The following PANK2 variants were observed in gnomAD, a reference collection of about 807,000 sequenced individuals.
PANK2 encodes pantothenate kinase 2, mitochondrial.
In PANK2, 36 loss-of-function variants were observed where a neutral mutation model predicts 43.1. The ratio of observed to expected loss-of-function variants is 0.84; its 90% CI spans 0.64 to 1.10. The LOEUF is 1.10. Among genes scored for constraint, PANK2 ranks in the 50% least tolerant of loss-of-function variants. The probability of loss-of-function intolerance (pLI) is 0.00; values close to 1 mark genes in which losing one functional copy is unlikely to be tolerated. For synonymous variants in PANK2, 281 were observed against 238.2 expected (o/e 1.18, Z -1.66); for missense variants, 576 against 593.3 (o/e 0.97, Z 0.30).
At chr20:3,918,929 G>A (rs150691713) in intron 6 of PANK2, 133 bp downstream of exon 6, 26 of 1,444,922 alleles carry the variant, frequency 1.8e-5, no homozygotes, top group South Asian at 6.9e-5. Flanking sequence ...TTTTTGAGAC[G>A]GAGTCTCGCT....
chr20:3,889,794 TC>T, intron 1 of PANK2, 66 bp downstream of exon 1: 2 of 1,526,376 alleles, frequency 1.3e-6, no homozygotes, highest in Non-Finnish European at 1.8e-6. Flanking sequence ...CCTGTCCCCT[TC>T]CGGCCCCGCC....
intron 1 of PANK2, among the ~76,000 whole-genome samples, chr20:3,904,860 T>C (rs533304591): frequency 2.8e-4 from 42 of 152,218 alleles, no homozygotes; most frequent in Non-Finnish European, 4.6e-4. Context: ...TTCTAGTTTG[T>C]AAAAGTGATA....
chr20:3,892,600 C>A (rs559773523), intron 1 of PANK2, among the ~76,000 whole-genome samples: 18 of 138,282 alleles, frequency 1.3e-4, no homozygotes, highest in Non-Finnish European at 2.1e-4. Context: ...TGCTTGAACC[C>A]GGGAGGCAGA....
rs909825831 is a variant in PANK2 at position 3,912,309 on chromosome 20, C to T, written c.906-149C>T. 70 of 840,808 alleles carry T rather than the reference C, an allele frequency of 8.3e-5. No individual in the cohort carries two copies. In the African/African-American group the frequency reaches 1.1e-3, roughly 13 times the overall value. The allele number at this position is 840,808 out of a possible 1,614,324, so 52.1% of individuals were successfully genotyped here. A position where few individuals can be genotyped will look rare whatever the true frequency, so the allele number is the denominator to read the frequency against. ...GTACCTTAAAGGTGTATATCAGGCA[C>T]CTTATCTTTTCACAGACTTGTTTCC... On this transcript the variant is annotated intron_variant, in intron 3 of 6. Coordinates refer to ENST00000610179, the MANE Select transcript of PANK2 (RefSeq NM_001386393.1).
chr20:3,904,363 T>C (rs1256661281), intron 1 of PANK2, among the ~76,000 whole-genome samples: 1 of 152,018 alleles, frequency 6.6e-6, no homozygotes, highest in Non-Finnish European at 1.5e-5. Context: ...GGAGGATTGC[T>C]GGAGGCCAGG....
Position 3,889,410 on chromosome 20 carries a change from GA to G in PANK2, c.-20del. On this transcript the variant is annotated 5_prime_UTR_variant, in exon 1 of 7. Transcript: ENST00000610179. ...CTGCTCTGGCTGGACTGCCGCGGAG[GA>G]GGCGAGAAGGAATCCGACGCTGGGG... 2 of 1,571,490 alleles carry G rather than the reference GA, an allele frequency of 1.3e-6. No homozygotes were observed. Among genetic ancestry groups the G allele is most frequent in the Non-Finnish European group, 1.7e-6 (2 of 1,161,734 alleles).
chr20:3,889,068 C>A (rs752427887), upstream of PANK2: 1 of 1,499,204 alleles, frequency 6.7e-7, no homozygotes, highest in Admixed American at 2.0e-5. Context: ...GGGGCAGAGG[C>A]ATGCACAAGT....
In PANK2 at chr20:3,889,616, G is replaced by A; in HGVS notation, c.186G>A (p.Val62=). 15 of 1,539,572 alleles carry A rather than the reference G, an allele frequency of 9.7e-6. No homozygotes were observed. Among genetic ancestry groups the A allele is most frequent in the Non-Finnish European group, 1.2e-5 (14 of 1,151,998 alleles). ...GGCGCCGGGCGAGCAGCGCGTCGGT[G>A]CCCGCGGTCGGGGCCTCGGCTGAGG... The change falls in exon 1 of 7, where the codon GTG becomes GTA. Residue 62 remains valine, a synonymous_variant. Transcript: ENST00000610179.
intron 5 of PANK2, among the ~76,000 whole-genome samples, chr20:3,918,127 G>T (rs1175101955): frequency 6.6e-6 from 1 of 152,200 alleles, no homozygotes; most frequent in African/African-American, 2.4e-5. Flanking sequence ...TCGTCATGAT[G>T]CTTTGCACAA....
chr20:3,901,555 T>A, intron 1 of PANK2: 1 of 949,546 alleles, frequency 1.1e-6, no homozygotes, highest in Non-Finnish European at 1.3e-6. Flanking sequence ...AAGACAGAAC[T>A]GCTGCTTGCT....
rs11441747 is a variant in PANK2, at chr20:3,910,295, G to GT, written c.652-270dup. Among the ~76,000 whole-genome samples, 53,017 of 143,726 alleles carry GT rather than the reference G, an allele frequency of 0.37. 10,004 individuals are homozygous for GT. Among genetic ancestry groups the GT allele is most frequent in the South Asian group, 0.46 (2,078 of 4,554 alleles). The allele number at this position is 143,726 out of a possible 152,430, so 94.3% of individuals were successfully genotyped here. On this transcript the variant is annotated intron_variant, in intron 2 of 6. Coordinates refer to ENST00000610179, the MANE Select transcript of PANK2 (RefSeq NM_001386393.1). ...TGTTTGAAGGTTGATAAATGCTGTG[G>GT]TTTTTTTTTTTTGTTTTTTTTGTTT...
At position 3,912,486 on chromosome 20, in the gene PANK2, T is replaced by A. The variant is rs756091406; in HGVS notation, c.934T>A (p.Cys312Ser). The stretch of plus-strand genomic sequence containing the variant: ...TGGAGGAGGAACTTTTTTTGGTCTC[T>A]GCTGTCTTCTTACTGGCTGTACCAC... The change falls in exon 4 of 7, where the codon TGC (cysteine) becomes AGC (serine). Residue 312 changes from cysteine to serine, a missense_variant. Around this residue, in one of 2 missense-constraint regions of PANK2, gnomAD observed 544 missense variants for 528.9 expected, o/e 1.03. Coordinates refer to ENST00000610179, the MANE Select transcript of PANK2 (RefSeq NM_001386393.1). 8.1e-6 allele frequency: 13 copies of A among 1,614,096 alleles called. No individual in the cohort carries two copies. Among genetic ancestry groups the A allele is most frequent in the Non-Finnish European group, 1.1e-5 (13 of 1,180,050 alleles).
chr20:3,889,157 C>T (rs1258943762), upstream of PANK2: 2 of 1,594,880 alleles, frequency 1.3e-6, no homozygotes, highest in African/African-American at 1.3e-5. Flanking sequence ...CGCCATCACT[C>T]TCTTCTGGGC....
rs773924328 is a variant in PANK2 at position 3,889,725 on chromosome 20, C to T, written c.295C>T (p.Pro99Ser). 5.0e-6 allele frequency: 8 copies of T among 1,595,520 alleles called. No individual in the cohort carries two copies. Among genetic ancestry groups the T allele is most frequent in the African/African-American group, 4.0e-5 (3 of 74,952 alleles). The change falls in exon 1 of 7, where the codon CCG (proline) becomes TCG (serine). Residue 99 changes from proline (P) to serine (S), a missense_variant. Physicochemically the swap from Pro to Ser is moderately conservative, Grantham distance 74. Around this residue, in one of 2 missense-constraint regions of PANK2, gnomAD observed 544 missense variants for 528.9 expected, o/e 1.03. Coordinates refer to ENST00000610179, the MANE Select transcript of PANK2 (RefSeq NM_001386393.1). ...CGTCGAAAGCCTGAGGAAAAAGCGG[C>T]CGCGTAAGTGTTCCGTGGGGCGCCC...
Position 3,928,592 on chromosome 20 carries a change from C to T in PANK2, c.*5298C>T, listed in dbSNP as rs1216071708. The stretch of plus-strand genomic sequence containing the variant: ...CTAACACGGTGAAACTCCGTCTGTA[C>T]TAAAAATACAAAAAATTAGCCGAGC... On this transcript the variant is annotated 3_prime_UTR_variant, in exon 7 of 7. Transcript: ENST00000610179. The T allele has an allele frequency of 6.6e-6, 1 of 151,592 alleles. No homozygotes were observed. The highest frequency in any genetic ancestry group is 2.4e-5 in the African/African-American group (1 of 41,322). 9.4% of individuals were successfully genotyped at this position (151,592 alleles called of 1,614,324 possible). A position where few individuals can be genotyped will look rare whatever the true frequency, so the allele number is the denominator to read the frequency against.
intron 1 of PANK2, among the ~76,000 whole-genome samples, chr20:3,896,125 G>A (rs1272680666): frequency 6.6e-6 from 1 of 151,118 alleles, no homozygotes; most frequent in African/African-American, 2.4e-5. Context: ...GCAGTGGTGC[G>A]ATCTTGGCTC....
At chr20:3,903,965 C>A (rs1165380241) in intron 1 of PANK2, among the ~76,000 whole-genome samples, 1 of 151,718 alleles carries the variant, frequency 6.6e-6, no homozygotes, top group Non-Finnish European at 1.5e-5. Context: ...TTAGTACATA[C>A]GTACATACTT....
chr20:3,916,412 T>TGTA (rs2146886200), intron 4 of PANK2, among the ~76,000 whole-genome samples: 1 of 152,366 alleles, frequency 6.6e-6, no homozygotes, highest in South Asian at 2.1e-4. Flanking sequence ...GGAAAATTAT[T>TGTA]GTAGCAGTTC....
intron 1 of PANK2, among the ~76,000 whole-genome samples, chr20:3,903,015 A>ACC (rs2090328203): frequency 8.5e-6 from 1 of 117,184 alleles, no homozygotes; most frequent in East Asian, 2.6e-4. Flanking sequence ...ACACACACAC[A>ACC]CACCCCTTTT....
Sources: allele counts gnomAD v4.1 joint callset (sites outside exome capture counted in the v4.1 genomes callset), GRCh38; gene constraint gnomAD v4.1.1; regional missense constraint gnomAD v4.1.1; transcripts MANE v1.5; gene names NCBI Gene and HGNC (gene_info 2026-07-23, HGNC 2026-07-21).